Variants in RAD50 observed in about 807,000 individuals in gnomAD.
RAD50 encodes DNA repair protein RAD50.
RAD50 carries 132 observed loss-of-function variants against 168.8 expected under a neutral mutation model. That is an observed-to-expected ratio of 0.78 (90% CI 0.68 to 0.90). The LOEUF (loss-of-function observed/expected upper bound fraction) is 0.90, where lower values mean the gene tolerates loss of function less well. Among genes scored for constraint, RAD50 ranks in the 40% least tolerant of loss-of-function variants. The pLI is 0.00. For missense variants in RAD50, 1,347 were observed against 1,534.4 expected, an observed-to-expected ratio of 0.88 and a Z score of 2.04; for synonymous variants, 525 against 497.4, an observed-to-expected ratio of 1.06 and a Z score of -0.74.
intron 20 of RAD50, 52 bp downstream of exon 20, chr5:132,616,182 T>A (rs1326472003): frequency 2.6e-6 from 4 of 1,560,880 alleles, no homozygotes; most frequent in Non-Finnish European, 3.5e-6. Context: ...ATTACTGGAA[T>A]GTGAAGAATA....
intron 16 of RAD50, among the ~76,000 whole-genome samples, chr5:132,605,666 G>A (rs1024603979): frequency 6.6e-6 from 1 of 152,010 alleles, no homozygotes; most frequent in Non-Finnish European, 1.5e-5. Flanking sequence ...CTCTTTATTA[G>A]TGTAATGGCC....
chr5:132,558,062 C>T (rs1750042337), intron 1 of RAD50, among the ~76,000 whole-genome samples: 1 of 150,678 alleles, frequency 6.6e-6, no homozygotes, highest in Non-Finnish European at 1.5e-5. Context: ...GAAAGAATAA[C>T]CAAGAGGCAT....
intron 2 of RAD50, among the ~76,000 whole-genome samples, chr5:132,566,461 C>T (rs545564239): frequency 1.3e-5 from 2 of 152,218 alleles, no homozygotes; most frequent in Non-Finnish European, 2.9e-5. Flanking sequence ...AAGCTTTATA[C>T]TGACCTCTGG....
rs1205690032 is a variant in RAD50, at chr5:132,588,786, A to C, written c.1151A>C (p.Glu384Ala). The C allele has an allele frequency of 1.9e-6, 3 of 1,614,004 alleles. No homozygotes were observed. Among genetic ancestry groups the C allele is most frequent in the Admixed American group, 3.3e-5 (2 of 60,018 alleles). ...ACACAGCTAGAATTGGATGGCTTTG[A>C]GCGTGGACCATTCAGTGAAAGACAG... Reference protein sequence around the residue: ...LATQLELDGFERGPFSERQIK... With the variant: ...LATQLELDGFARGPFSERQIK... The change falls in exon 8 of 25, where the codon GAG (glutamate) becomes GCG (alanine). Residue 384 changes from glutamate (E) to alanine (A), a missense_variant. Physicochemically the swap from Glu to Ala is moderately radical, Grantham distance 107. Around this residue, in one of 3 missense-constraint regions of RAD50, gnomAD observed 703 missense variants for 767.7 expected, o/e 0.92. Transcript: ENST00000378823.
At chr5:132,579,711 TTTTTCA>T in intron 4 of RAD50, 145 bp from the exon 5 acceptor site, 1 of 868,914 alleles carries the variant, frequency 1.2e-6, no homozygotes, top group Admixed American at 2.6e-5. Context: ...AAATGTAATT[TTTTTCA>T]CTTACCATTA....
At chr5:132,607,953 C>T (rs768924474) in intron 16 of RAD50, among the ~76,000 whole-genome samples, 4 of 152,122 alleles carry the variant, frequency 2.6e-5, no homozygotes, top group Non-Finnish European at 5.9e-5. Flanking sequence ...CATATAACTA[C>T]GTTGTAGATT....
At chr5:132,581,832 G>A (rs895256656) in intron 5 of RAD50, among the ~76,000 whole-genome samples, 1 of 152,148 alleles carries the variant, frequency 6.6e-6, no homozygotes, top group Non-Finnish European at 1.5e-5. Context: ...TGTGGGTCCC[G>A]TGGTAATTAC....
Position 132,591,990 on chromosome 5 carries a change from A to G in RAD50, c.1749A>G (p.Lys583=), listed in dbSNP as rs2149842746. Residue 583 remains lysine (K), a synonymous_variant, in exon 11 of 25, where the codon AAA becomes AAG. Transcript: ENST00000378823. The part of the protein sequence containing the change: ...KKQLEDWLHS[K]SKEINQTRDR... ...AGCTTGAAGACTGGCTACATAGTAA[A>G]TCAAAAGAAATTAATCAGACCAGGG... is the stretch of plus-strand genomic sequence containing the variant. The G allele has an allele frequency of 6.2e-7, 1 of 1,613,266 alleles. No homozygotes were observed.
intron 2 of RAD50, among the ~76,000 whole-genome samples, chr5:132,567,315 A>G (rs1197293874): frequency 6.6e-6 from 1 of 152,220 alleles, no homozygotes; most frequent in Non-Finnish European, 1.5e-5. Context: ...CAGGCATTGG[A>G]CCACAGATAA....
At chr5:132,601,158 A>C (rs1215351540) in intron 13 of RAD50, among the ~76,000 whole-genome samples, 1 of 152,060 alleles carries the variant, frequency 6.6e-6, no homozygotes, top group African/African-American at 2.4e-5. Flanking sequence ...CACCACGCCC[A>C]ACTGATTTTT....
chr5:132,601,276 G>A (rs1750882996), intron 13 of RAD50, among the ~76,000 whole-genome samples: 2 of 152,318 alleles, frequency 1.3e-5, no homozygotes, highest in African/African-American at 4.8e-5. Flanking sequence ...CATATTACAG[G>A]CGTGAGCCGT....
intron 2 of RAD50, among the ~76,000 whole-genome samples, chr5:132,570,040 TATC>T (rs1478121754): frequency 6.6e-6 from 1 of 152,244 alleles, no homozygotes; most frequent in African/African-American, 2.4e-5. Context: ...AAAAAAGAAA[TATC>T]ATATGAACAC....
At chr5:132,608,921 A>G (rs1325581777) in intron 17 of RAD50, among the ~76,000 whole-genome samples, 196 bp downstream of exon 17, 2 of 152,232 alleles carry the variant, frequency 1.3e-5, no homozygotes, top group Non-Finnish European at 2.9e-5. Context: ...TGCTTGATCT[A>G]CAATAGAAGT....
intron 4 of RAD50, 57 bp from the exon 5 acceptor site, chr5:132,579,805 A>C: frequency 7.2e-7 from 1 of 1,382,368 alleles, no homozygotes; most frequent in Non-Finnish European, 1.0e-6. Context: ...CCACTGTATG[A>C]ATATATACCA....
intron 15 of RAD50, among the ~76,000 whole-genome samples, chr5:132,604,577 T>A (rs1225821014): frequency 6.6e-6 from 1 of 152,122 alleles, no homozygotes; most frequent in Non-Finnish European, 1.5e-5. Flanking sequence ...ATGAGCTGTA[T>A]TCTTTCTCAT....
chr5:132,564,480 G>A (rs1206861312), intron 2 of RAD50, among the ~76,000 whole-genome samples: 1 of 152,156 alleles, frequency 6.6e-6, no homozygotes, highest in East Asian at 1.9e-4. Context: ...TTTCCAGGCA[G>A]CAAAACTTTC....
Position 132,604,822 on chromosome 5 carries a change from A to T in RAD50, c.2541A>T (p.Glu847Asp), listed in dbSNP as rs768115577. ...TTTGTGTAGTTTCTAGTAAGATTGA[A>T]TTGAATCGTAAGCTTATACAGGACC... Reference protein sequence around the residue: ...HKLDTVSSKIELNRKLIQDQQ... With the variant: ...HKLDTVSSKIDLNRKLIQDQQ... The change falls in exon 16 of 25, where the codon GAA becomes GAT. Residue 847 changes from glutamate to aspartate, a missense_variant. By Grantham distance (45) the Glu-to-Asp change is conservative. This residue lies in a region of RAD50 where 635 missense variants were observed against 739.2 expected (regional missense o/e 0.86). Coordinates refer to ENST00000378823, the MANE Select transcript of RAD50 (RefSeq NM_005732.4). 1 of 1,611,122 alleles carries T rather than the reference A, an allele frequency of 6.2e-7. No individual in the cohort carries two copies. Among genetic ancestry groups the T allele is most frequent in the Non-Finnish European group, 8.5e-7 (1 of 1,177,498 alleles).
At chr5:132,581,821 G>C (rs930034436) in intron 5 of RAD50, among the ~76,000 whole-genome samples, 2 of 152,164 alleles carry the variant, frequency 1.3e-5, no homozygotes, top group African/African-American at 4.8e-5. Flanking sequence ...TGATAACTCT[G>C]TGTGGGTCCC....
chr5:132,612,668 C>G (rs763316833), intron 19 of RAD50, among the ~76,000 whole-genome samples: 3 of 151,932 alleles, frequency 2.0e-5, no homozygotes, highest in Non-Finnish European at 4.4e-5. Flanking sequence ...AACCCCATCT[C>G]TACAAAAAAA....
Sources: allele counts gnomAD v4.1 joint callset (sites outside exome capture counted in the v4.1 genomes callset), GRCh38; gene constraint gnomAD v4.1.1; regional missense constraint gnomAD v4.1.1; transcripts MANE v1.5; gene names NCBI Gene and HGNC (gene_info 2026-07-23, HGNC 2026-07-21).